Variants in AP1G2 observed in about 807,000 individuals in gnomAD.
AP1G2 encodes the protein adaptor related protein complex 1 subunit gamma 2.
AP1G2 carries 85 observed loss-of-function variants against 95.8 expected under a neutral mutation model. The ratio of observed to expected loss-of-function variants is 0.89; its 90% confidence interval spans 0.74 to 1.06. The LOEUF (loss-of-function observed/expected upper bound fraction) is 1.06. Among genes scored for constraint, AP1G2 ranks in the 50% least tolerant of loss-of-function variants. The pLI is 0.00. For synonymous variants in AP1G2, 378 were observed against 400.0 expected (o/e 0.94, Z 0.66); for missense variants, 967 against 1,005.8 (o/e 0.96, Z 0.52).
Position 23,567,264 on chromosome 14 carries a change from C to G in AP1G2, c.51G>C (p.Gly17=). ...CCCGCTCCTGGGCCTGAGTCTTGGC[C>G]CCGCGAATCTCTTCGATGAGGTCCT... The part of the protein sequence containing the change: ...KLQDLIEEIR[G]AKTQAQEREV... Residue 17 remains glycine (G), a synonymous_variant, in exon 2 of 22, where the codon GGG becomes GGC. Transcript: ENST00000397120. This position sits in a 1 kb window ranked among gnomAD's most constrained non-coding sequence, Gnocchi z 5.3. The G allele has an allele frequency of 6.2e-7, 1 of 1,613,272 alleles. No homozygotes were observed. Among genetic ancestry groups the G allele is most frequent in the South Asian group, 1.1e-5 (1 of 91,022 alleles).
At chr14:23,560,472 G>A in intron 19 of AP1G2, 54 bp from the exon 20 acceptor site, 1 of 1,557,880 alleles carries the variant, frequency 6.4e-7, no homozygotes, top group Admixed American at 1.8e-5. Context: ...GAACATGTTT[G>A]TTCATTCATT....
At chr14:23,566,532 G>C (rs375305734) in intron 3 of AP1G2, 30 bp downstream of exon 3, 2 of 1,612,990 alleles carry the variant, frequency 1.2e-6, no homozygotes, top group African/African-American at 2.7e-5. Context: ...CCATCTCCCT[G>C]ATTCCAAGTG....
intron 16 of AP1G2, 104 bp downstream of exon 16, chr14:23,562,184 G>A (rs1476824119): frequency 4.4e-6 from 7 of 1,593,886 alleles, no homozygotes; most frequent in South Asian, 3.4e-5. Flanking sequence ...AGAACCTAAG[G>A]GCTAGGGGGT....
chr14:23,562,838 T>G (rs904656067), intron 14 of AP1G2: 4 of 560,566 alleles, frequency 7.1e-6, no homozygotes, highest in Non-Finnish European at 1.2e-5. Context: ...AATATCCCTT[T>G]AGGCAGTGCA....
chr14:23,565,017 G>A, intron 8 of AP1G2, 102 bp downstream of exon 8: 1 of 1,082,864 alleles, frequency 9.2e-7, no homozygotes, highest in Non-Finnish European at 1.4e-6. Context: ...AGATGGAGAG[G>A]CAATTACACG....
At chr14:23,563,311 G>A in intron 14 of AP1G2, 69 bp downstream of exon 14, 1 of 1,545,788 alleles carries the variant, frequency 6.5e-7, no homozygotes, top group Non-Finnish European at 8.7e-7. Context: ...ATCTAGTAGG[G>A]AGGAGGTGGC....
At chr14:23,564,502 G>C in intron 9 of AP1G2, 60 bp downstream of exon 9, 1 of 1,600,842 alleles carries the variant, frequency 6.2e-7, no homozygotes, top group African/African-American at 1.3e-5. Flanking sequence ...CCAGCAAGCA[G>C]GACCTGTGTG....
chr14:23,564,696 G>C, intron 8 of AP1G2, 36 bp from the exon 9 acceptor site: 1 of 1,584,666 alleles, frequency 6.3e-7, no homozygotes, highest in Non-Finnish European at 8.7e-7. Context: ...TCTGCTCAAG[G>C]CCCTCCTCAG....
chr14:23,562,907 C>T (rs1199372662), intron 14 of AP1G2: 7 of 531,072 alleles, frequency 1.3e-5, no homozygotes, highest in Non-Finnish European at 2.1e-5. Context: ...GCTCCCACTG[C>T]CCTCTGGTGG....
chr14:23,565,993 G>A (rs1488041064), intron 5 of AP1G2, 71 bp downstream of exon 5: 2 of 1,613,064 alleles, frequency 1.2e-6, no homozygotes, highest in South Asian at 1.1e-5. Flanking sequence ...TGTGAGCTGG[G>A]GTTCCCATCC....
At position 23,563,749 on chromosome 14, in the gene AP1G2, T is replaced by A; in HGVS notation, c.1199A>T (p.Asp400Val). Residue 400 changes from aspartate (D) to valine (V), a missense_variant, in exon 12 of 22, where the codon GAC becomes GTC. By Grantham distance (152) the Asp-to-Val change is radical. Coordinates refer to ENST00000397120, the MANE Select transcript of AP1G2 (RefSeq NM_003917.5). ...LESCPPDLRA[D>V]CASGILLAAE... ...AGCCAGCAGGATGCCTGAGGCACAG[T>A]CAGCCCGTAGGTCAGGAGGGCAGGA... 6.2e-7 allele frequency: 1 copy of A among 1,614,146 alleles called. No individual in the cohort carries two copies. The highest frequency in any genetic ancestry group is 8.5e-7 in the Non-Finnish European group (1 of 1,180,000).
At chr14:23,564,268 G>C in intron 10 of AP1G2, 65 bp downstream of exon 10, 3 of 1,613,914 alleles carry the variant, frequency 1.9e-6, no homozygotes, top group South Asian at 2.2e-5. Flanking sequence ...GGAGGCTCTG[G>C]AGGAAGGAGG....
rs755902477 is a variant in AP1G2, at chr14:23,566,286, G to A, written c.463C>T (p.Arg155Cys). Residue 155 changes from arginine (R) to cysteine (C), a missense_variant, in exon 4 of 22, where the codon CGC becomes TGC. Physicochemically the swap from Arg to Cys is radical, Grantham distance 180 (BLOSUM62 -3). Transcript: ENST00000397120. ...GAGTCCCGCCATCTCACCTTCTTGC[G>A]CACGTAGGGACTGGGCTGCAGGAGC... is the stretch of plus-strand genomic sequence containing the variant. ...KLLLQPSPYV[R>C]KKAILTAVHM... is the part of the protein sequence containing the mutation. The A allele has an allele frequency of 1.8e-5, 29 of 1,613,684 alleles. No homozygotes were observed. Among genetic ancestry groups the A allele is most frequent in the African/African-American group, 1.3e-4 (10 of 74,910 alleles).
At chr14:23,563,544 G>A in intron 13 of AP1G2, 40 bp downstream of exon 13, 1 of 1,614,236 alleles carries the variant, frequency 6.2e-7, no homozygotes, top group Non-Finnish European at 8.5e-7. Context: ...GGTGAATCTT[G>A]ACCACTTCTG....
At position 23,567,553 on chromosome 14, in the gene AP1G2, C is replaced by T; in HGVS notation, c.-6+186G>A. 7.6e-7 allele frequency: 1 copy of T among 1,319,804 alleles called. No individual in the cohort carries two copies. The highest frequency in any genetic ancestry group is 9.6e-7 in the Non-Finnish European group (1 of 1,040,044). 81.8% of individuals were successfully genotyped at this position (1,319,804 alleles called of 1,614,324 possible). A position where few individuals can be genotyped will look rare whatever the true frequency, so the allele number is the denominator to read the frequency against. On this transcript the variant is annotated intron_variant, in intron 1 of 21. Coordinates refer to ENST00000397120, the MANE Select transcript of AP1G2 (RefSeq NM_003917.5). The surrounding 1 kb of genome is among the most constrained non-coding windows in gnomAD (Gnocchi z 5.3). ...CCGGCGCCCCTTCCTATTGAGCATG[C>T]GCGGGAGCCCCACCTATTTCTCTCT...
rs771425515 is a variant in AP1G2, at chr14:23,564,034, A to G, written c.1091+12T>C. ...TCTGCCCTGCCCTCCTGTCCCCTCT[A>G]TCACTGCTCACCGGCTGAGGGAGGC... On this transcript the variant is annotated intron_variant, in intron 11 of 21. Transcript: ENST00000397120. 20 of 1,613,770 alleles carry G rather than the reference A, an allele frequency of 1.2e-5. No homozygotes were observed. Among genetic ancestry groups the G allele is most frequent in the Middle Eastern group, 1.7e-4 (1 of 5,894 alleles).
At chr14:23,566,911 G>A in intron 2 of AP1G2, 200 bp downstream of exon 2, 1 of 880,436 alleles carries the variant, frequency 1.1e-6, no homozygotes, top group Non-Finnish European at 1.7e-6. Context: ...TGCCCTAAAG[G>A]AGGCTGGCCA....
chr14:23,564,460 T>C (rs1222190767), intron 9 of AP1G2, 72 bp from the exon 10 acceptor site: 3 of 1,603,322 alleles, frequency 1.9e-6, no homozygotes, highest in African/African-American at 1.3e-5. Context: ...GGGAACACAT[T>C]GGCGCAAGAT....
rs999508523 is a variant in AP1G2 at position 23,566,111 on chromosome 14, C to T, written c.521G>A (p.Ser174Asn). 33 of 1,613,006 alleles carry T rather than the reference C, an allele frequency of 2.0e-5. No homozygotes were observed. The highest frequency in any genetic ancestry group is 2.8e-5 in the Non-Finnish European group (33 of 1,179,414). ...HMIRKVPELS[S>N]VFLPPCAQLL... ...TTGGGCACAGGGTGGGAGGAAGACACTGGAGAGTTCAGGGACCTTCCGGAT... is the reference window on the plus strand; with the variant it reads ...TTGGGCACAGGGTGGGAGGAAGACATTGGAGAGTTCAGGGACCTTCCGGAT... Residue 174 changes from serine (S) to asparagine (N), a missense_variant, in exon 5 of 22, where the codon AGT becomes AAT. Ser to Asn is a conservative substitution (Grantham distance 46). Coordinates refer to ENST00000397120, the MANE Select transcript of AP1G2 (RefSeq NM_003917.5).
Sources: allele counts gnomAD v4.1 joint callset, GRCh38; gene constraint gnomAD v4.1.1; non-coding constraint Gnocchi (gnomAD v3.1); transcripts MANE v1.5; gene names NCBI Gene and HGNC (gene_info 2026-07-23, HGNC 2026-07-21).